The following DLG2 variants were observed in gnomAD, a reference collection of about 807,000 sequenced individuals.
The protein encoded by DLG2 is disks large homolog 2.
A neutral mutation model predicts 132.5 loss-of-function variants in DLG2; 45 were observed. The observed-to-expected ratio is 0.34, with a 90% confidence interval of 0.27 to 0.44. The LOEUF is 0.44. Ranked by LOEUF, DLG2 falls within the 20% of genes least tolerant of loss-of-function variation. The pLI, the probability that DLG2 is intolerant of heterozygous loss-of-function variation, is 1.00. For synonymous variants in DLG2, 424 were observed against 419.6 expected, an observed-to-expected ratio of 1.01 and a Z score of -0.13; for missense variants, 1,045 against 1,196.9, an observed-to-expected ratio of 0.87 and a Z score of 1.87.
chr11:83,868,235 G>A (rs2062771334), intron 16 of DLG2, among the ~76,000 whole-genome samples: 1 of 152,178 alleles, frequency 6.6e-6, no homozygotes, highest in Non-Finnish European at 1.5e-5. Context: ...CAGTTAAGAT[G>A]TTTTTAGCAG....
intron 6 of DLG2, among the ~76,000 whole-genome samples, chr11:85,110,590 C>T (rs577623806): frequency 6.6e-6 from 1 of 152,196 alleles, no homozygotes; most frequent in East Asian, 1.9e-4. Flanking sequence ...CAAAATTTAG[C>T]ATCACCATCT....
At chr11:84,131,923 A>T (rs1364375348) in intron 9 of DLG2, among the ~76,000 whole-genome samples, 1 of 151,922 alleles carries the variant, frequency 6.6e-6, no homozygotes, top group African/African-American at 2.4e-5. Context: ...TATGTATGTG[A>T]ATATGACCCT....
At chr11:85,194,817 T>G (rs948393943) in intron 4 of DLG2, among the ~76,000 whole-genome samples, 4 of 152,226 alleles carry the variant, frequency 2.6e-5, no homozygotes, top group African/African-American at 9.6e-5. Context: ...TAATTCAGTT[T>G]ATTTCCTTCA....
chr11:84,974,787 T>C (rs1344756840), intron 6 of DLG2, among the ~76,000 whole-genome samples: 1 of 152,180 alleles, frequency 6.6e-6, no homozygotes, highest in African/African-American at 2.4e-5. Context: ...ACCCAGGAAT[T>C]TGTATTTTAG....
chr11:83,993,191 C>T (rs2093820010), intron 11 of DLG2, among the ~76,000 whole-genome samples: 1 of 151,964 alleles, frequency 6.6e-6, no homozygotes, highest in African/African-American at 2.4e-5. Flanking sequence ...AGGGGTTGCA[C>T]AAAATAGACT....
At chr11:83,772,663 G>A (rs764712324) in intron 18 of DLG2, among the ~76,000 whole-genome samples, 7 of 152,110 alleles carry the variant, frequency 4.6e-5, no homozygotes, top group Non-Finnish European at 8.8e-5. Flanking sequence ...TCTGATTTGG[G>A]AAAATATCTT....
intron 7 of DLG2, among the ~76,000 whole-genome samples, chr11:84,340,533 A>T (rs1459895523): frequency 6.6e-6 from 1 of 152,184 alleles, no homozygotes; most frequent in East Asian, 1.9e-4. Flanking sequence ...CTTAATGCAT[A>T]TATCTCCAGA....
At chr11:85,041,602 C>G (rs552248327) in intron 6 of DLG2, among the ~76,000 whole-genome samples, 12 of 151,910 alleles carry the variant, frequency 7.9e-5, no homozygotes, top group African/African-American at 2.9e-4. Context: ...AGGGATAATA[C>G]AGGAAATGAA....
At chr11:84,354,266 A>G (rs182588019) in intron 7 of DLG2, among the ~76,000 whole-genome samples, 13 of 152,318 alleles carry the variant, frequency 8.5e-5, no homozygotes, top group Admixed American at 5.9e-4. Context: ...AAACTACTCA[A>G]TGCATTATAA....
intron 18 of DLG2, among the ~76,000 whole-genome samples, chr11:83,723,204 A>C (rs988903392): frequency 3.9e-5 from 6 of 151,962 alleles, no homozygotes; most frequent in African/African-American, 1.5e-4. Context: ...AACATGATGA[A>C]ACCCCATCTC....
chr11:85,075,591 CTCTA>C (rs1407337827), intron 6 of DLG2, among the ~76,000 whole-genome samples: 2 of 151,848 alleles, frequency 1.3e-5, no homozygotes, highest in African/African-American at 2.4e-5. Context: ...AAATAAGTTA[CTCTA>C]TCTCTTTCTC....
chr11:84,777,298 TATATATATATATATATATATATATATAC>T (rs1337863816), intron 6 of DLG2, among the ~76,000 whole-genome samples: 2 of 119,736 alleles, frequency 1.7e-5, no homozygotes, highest in African/African-American at 7.0e-5. Context: ...TATATATATA[TATATATATATATATATATATATATATAC>T]GTTTTCTTTA....
intron 19 of DLG2, among the ~76,000 whole-genome samples, chr11:83,630,216 T>C (rs559353141): frequency 6.6e-6 from 1 of 152,252 alleles, no homozygotes; most frequent in East Asian, 1.9e-4. Context: ...AACAAATTGC[T>C]ACTACCTGGG....
At chr11:85,514,629 C>T (rs1277307588) in intron 3 of DLG2, among the ~76,000 whole-genome samples, 1 of 151,898 alleles carries the variant, frequency 6.6e-6, no homozygotes, top group African/African-American at 2.4e-5. Flanking sequence ...AGTCACCATT[C>T]CTCATGTATT....
chr11:84,054,969 AT>A (rs1294728836), intron 11 of DLG2, among the ~76,000 whole-genome samples: 1 of 152,056 alleles, frequency 6.6e-6, no homozygotes, highest in African/African-American at 2.4e-5. Context: ...CCATATTCAT[AT>A]TTTTTATATT....
At chr11:84,116,966 A>G (rs2093662777) in intron 9 of DLG2, among the ~76,000 whole-genome samples, 1 of 152,208 alleles carries the variant, frequency 6.6e-6, no homozygotes, top group African/African-American at 2.4e-5. Context: ...TTTTCCACTT[A>G]AGCGTCACCT....
intron 6 of DLG2, among the ~76,000 whole-genome samples, chr11:84,949,436 C>T (rs1228774823): frequency 3.0e-4 from 45 of 151,554 alleles, no homozygotes; most frequent in Admixed American, 2.8e-3. Context: ...CGGGAATTTC[C>T]TCTTCCTAAT....
intron 3 of DLG2, among the ~76,000 whole-genome samples, chr11:85,588,121 T>C (rs522604): frequency 0.3 from 45,302 of 152,050 alleles, 7,314 homozygotes; most frequent in South Asian, 0.43. Context: ...GCCTCACAGC[T>C]CTTGAGATTC....
intron 6 of DLG2, among the ~76,000 whole-genome samples, chr11:85,059,825 G>C (rs954527464): frequency 1.3e-5 from 2 of 151,550 alleles, no homozygotes; most frequent in African/African-American, 4.8e-5. Context: ...TGTTCACTTT[G>C]TGAAAATTCA....
Sources: gnomAD v4.1 joint callset for allele counts (sites outside exome capture counted in the v4.1 genomes callset) on GRCh38, gnomAD v4.1.1 for gene constraint, MANE v1.5 for transcripts, NCBI Gene and HGNC (gene_info 2026-07-23, HGNC 2026-07-21) for gene names.